PDLIM5: variants seen among roughly 807,000 people sequenced by gnomAD.
PDLIM5 encodes the protein PDZ and LIM domain 5.
In PDLIM5, 34 loss-of-function variants were observed where a neutral mutation model predicts 64.2. That is an observed-to-expected ratio of 0.53 (90% CI 0.40 to 0.71). The LOEUF is 0.71. Among genes scored for constraint, PDLIM5 ranks in the 30% least tolerant of loss-of-function variants. PDLIM5 has a pLI of 0.00. For synonymous variants in PDLIM5, 253 were observed against 269.1 expected (o/e 0.94, Z 0.59); for missense variants, 683 against 733.6 (o/e 0.93, Z 0.80).
intron 2 of PDLIM5, among the ~76,000 whole-genome samples, chr4:94,478,789 A>G (rs996361939): frequency 6.6e-6 from 1 of 151,776 alleles, no homozygotes; most frequent in Non-Finnish European, 1.5e-5. Flanking sequence ...TGAAATATAT[A>G]GAATCAGTGA....
intron 2 of PDLIM5, among the ~76,000 whole-genome samples, chr4:94,462,446 CTG>C (rs958224461): frequency 7.9e-4 from 120 of 152,076 alleles, no homozygotes; most frequent in Admixed American, 7.8e-3. Flanking sequence ...TACCACTACA[CTG>C]TGTTTGGATT....
At chr4:94,517,131 G>T (rs557915971) in intron 2 of PDLIM5, among the ~76,000 whole-genome samples, 4 of 152,124 alleles carry the variant, frequency 2.6e-5, no homozygotes, top group Admixed American at 6.5e-5. Flanking sequence ...TCAGTTGCTC[G>T]TAAAAACTTC....
In PDLIM5 at chr4:94,575,910, G is replaced by T; in HGVS notation, c.586G>T (p.Ala196Ser). 1 of 1,614,066 alleles carries T rather than the reference G, an allele frequency of 6.2e-7. No homozygotes were observed. Among genetic ancestry groups the T allele is most frequent in the Non-Finnish European group, 8.5e-7 (1 of 1,179,988 alleles). Residue 196 changes from alanine (A) to serine (S), a missense_variant, in exon 5 of 13, where the codon GCT becomes TCT. By Grantham distance (99) the Ala-to-Ser change is moderately conservative. Transcript: ENST00000317968. Reference sequence around the variant, plus strand: ...TGACCAGTCTCCATCTGCACTGAGCGCTGGTAAAACTGCAGTTAATGTCCC... The same window carrying T: ...TGACCAGTCTCCATCTGCACTGAGCTCTGGTAAAACTGCAGTTAATGTCCC... ...SADQSPSALS[A>S]GKTAVNVPRQ...
chr4:94,633,184 G>A (rs1054620501), intron 8 of PDLIM5, among the ~76,000 whole-genome samples: 5 of 152,122 alleles, frequency 3.3e-5, no homozygotes, highest in Non-Finnish European at 7.4e-5. Flanking sequence ...AGAGATGGCC[G>A]GGGAGCGAGG....
intron 3 of PDLIM5, among the ~76,000 whole-genome samples, chr4:94,552,955 TA>T (rs371762054): frequency 1.0e-3 from 159 of 152,206 alleles, no homozygotes; most frequent in African/African-American, 3.7e-3. Flanking sequence ...AGGAGAAGAA[TA>T]GCTAGAAGTA....
At chr4:94,532,111 A>G (rs1730926164) in intron 3 of PDLIM5, among the ~76,000 whole-genome samples, 1 of 152,106 alleles carries the variant, frequency 6.6e-6, no homozygotes, top group Non-Finnish European at 1.5e-5. Flanking sequence ...CTATGTATGC[A>G]TTCTGTGAGT....
intron 10 of PDLIM5, among the ~76,000 whole-genome samples, chr4:94,657,218 C>T (rs1742279603): frequency 6.6e-6 from 1 of 152,186 alleles, no homozygotes; most frequent in South Asian, 2.1e-4. Flanking sequence ...GTAAAGAACA[C>T]ACGTCTAAAT....
intron 3 of PDLIM5, among the ~76,000 whole-genome samples, chr4:94,524,875 G>A (rs1342142533): frequency 2.6e-5 from 4 of 152,138 alleles, no homozygotes; most frequent in African/African-American, 9.7e-5. Flanking sequence ...CAAGGGAGGA[G>A]AAAGAGGGAA....
intron 2 of PDLIM5, among the ~76,000 whole-genome samples, chr4:94,475,247 T>C (rs1725224633): frequency 2.0e-5 from 3 of 152,190 alleles, no homozygotes; most frequent in Admixed American, 2.0e-4. Context: ...AGAACTACTT[T>C]CTAAATTCAG....
chr4:94,580,531 C>G (rs1258309718), intron 5 of PDLIM5, among the ~76,000 whole-genome samples: 1 of 151,874 alleles, frequency 6.6e-6, no homozygotes, highest in Non-Finnish European at 1.5e-5. Context: ...TTACTAGATT[C>G]CAGTGTAAAA....
chr4:94,555,804 C>A (rs1473914720), intron 3 of PDLIM5, among the ~76,000 whole-genome samples: 1 of 151,556 alleles, frequency 6.6e-6, no homozygotes, highest in Non-Finnish European at 1.5e-5. Flanking sequence ...TGGGAATAAC[C>A]CTGTGAGGTA....
chr4:94,638,908 T>C (rs1043953701), intron 8 of PDLIM5, among the ~76,000 whole-genome samples: 1 of 152,178 alleles, frequency 6.6e-6, no homozygotes, highest in Non-Finnish European at 1.5e-5. Flanking sequence ...TCAGGGAGTA[T>C]ACTATCTAGT....
intron 8 of PDLIM5, among the ~76,000 whole-genome samples, chr4:94,634,913 G>A (rs1166926163): frequency 6.6e-6 from 1 of 152,076 alleles, no homozygotes; most frequent in African/African-American, 2.4e-5. Context: ...ATATTTTACT[G>A]GACTAACTTA....
chr4:94,582,476 A>G (rs1253913745), intron 5 of PDLIM5: 6 of 439,240 alleles, frequency 1.4e-5, no homozygotes, highest in South Asian at 4.4e-5. Flanking sequence ...TGTCTTGATT[A>G]TAACAGTGTA....
intron 5 of PDLIM5, among the ~76,000 whole-genome samples, chr4:94,582,161 G>A (rs1331031463): frequency 6.6e-6 from 1 of 152,076 alleles, no homozygotes; most frequent in Non-Finnish European, 1.5e-5. Flanking sequence ...TATGATTCAG[G>A]ATAATTCATG....
chr4:94,457,340 TA>T lies in PDLIM5; in HGVS notation c.96+1957del, dbSNP rs201198075. Among the ~76,000 whole-genome samples, 1,383 of 152,310 alleles carry T rather than the reference TA, an allele frequency of 9.1e-3. 24 individuals are homozygous for T. The highest frequency in any genetic ancestry group is 0.031 in the African/African-American group (1,285 of 41,570). ...TGCAAGTTTTAACACCTTTCATGGT[TA>T]GATGAAATTTTAAATGTAAAGCATC... On this transcript the variant is annotated intron_variant, in intron 2 of 12. Transcript: ENST00000317968.
intron 9 of PDLIM5, among the ~76,000 whole-genome samples, chr4:94,650,733 C>G (rs756754361): frequency 6.6e-6 from 1 of 152,188 alleles, no homozygotes; most frequent in Non-Finnish European, 1.5e-5. Context: ...AATCTGAGTT[C>G]CTTTCACCTT....
Position 94,576,019 on chromosome 4 carries a change from G to A in PDLIM5, c.695G>A (p.Ser232Asn), listed in dbSNP as rs2110286060. Residue 232 changes from serine to asparagine, a missense_variant, in exon 5 of 13, where the codon AGT becomes AAT. By Grantham distance (46) the Ser-to-Asn change is conservative (BLOSUM62 1). Transcript: ENST00000317968. ...EGQRRGSQGD[S>N]KQQNGPPRKH... ...CAGAGAAGAGGATCCCAGGGTGACA[G>A]TAAACAGCAAAATGGGTAGGTGGCT... 6.2e-7 allele frequency: 1 copy of A among 1,613,382 alleles called. No individual in the cohort carries two copies. The highest frequency in any genetic ancestry group is 1.1e-5 in the South Asian group (1 of 91,010).
intron 2 of PDLIM5, among the ~76,000 whole-genome samples, chr4:94,506,651 G>A (rs1221450244): frequency 1.1e-4 from 16 of 152,146 alleles, no homozygotes; most frequent in Admixed American, 9.8e-4. Context: ...TATGAATTTT[G>A]GAGGGAATAA....
Sources: allele counts gnomAD v4.1 joint callset (sites outside exome capture counted in the v4.1 genomes callset), GRCh38; gene constraint gnomAD v4.1.1; transcripts MANE v1.5; gene names NCBI Gene and HGNC (gene_info 2026-07-23, HGNC 2026-07-21).